CADPS: variants seen among roughly 807,000 people sequenced by gnomAD.
CADPS encodes the protein calcium-dependent secretion activator 1.
Under a neutral mutation model 167.3 loss-of-function variants are expected in CADPS, and 57 were observed. The observed-to-expected ratio is 0.34, with a 90% CI of 0.28 to 0.42. The LOEUF is 0.42. CADPS is among the 20% of genes least tolerant of loss of function. The pLI is 1.00. For synonymous variants in CADPS, 676 were observed against 635.3 expected, an observed-to-expected ratio of 1.06 and a Z score of -0.96; for missense variants, 1,414 against 1,738.1, an observed-to-expected ratio of 0.81 and a Z score of 3.32.
intron 1 of CADPS, among the ~76,000 whole-genome samples, chr3:62,832,136 C>T (rs144228828): frequency 8.0e-4 from 122 of 152,298 alleles, no homozygotes; most frequent in African/African-American, 2.9e-3. Context: ...ACAGAACCAA[C>T]ACAGGAGGGT....
chr3:62,684,227 T>C lies in CADPS; in HGVS notation c.889-21833A>G, dbSNP rs75604071. The stretch of plus-strand genomic sequence containing the variant: ...TACAGTATGGACTTAGGAAAGTTTA[T>C]TTTATATTTTGAGTTATAACTCAGT... On this transcript the variant is annotated intron_variant, in intron 3 of 29. Coordinates refer to ENST00000383710, the MANE Select transcript of CADPS (RefSeq NM_003716.4). Among the ~76,000 whole-genome samples, 198 of 152,244 alleles carry C rather than the reference T, an allele frequency of 1.3e-3. 3 individuals carry two copies. Among genetic ancestry groups the C allele is most frequent in the Middle Eastern group, 3.4e-3 (1 of 294 alleles).
intron 27 of CADPS, 36 bp downstream of exon 27, chr3:62,445,729 A>G (rs1408760632): frequency 7.0e-7 from 1 of 1,427,050 alleles, no homozygotes; most frequent in African/African-American, 1.5e-5. Flanking sequence ...AAAAAAAACA[A>G]AAAAACCCCA....
chr3:62,491,165 G>A (rs758045072), intron 21 of CADPS, among the ~76,000 whole-genome samples, 174 bp downstream of exon 21: 8 of 151,842 alleles, frequency 5.3e-5, no homozygotes, highest in Non-Finnish European at 7.4e-5. Flanking sequence ...CTCCATCCCC[G>A]ACCCTCCTGC....
chr3:62,732,563 A>G (rs1169096047), intron 3 of CADPS, among the ~76,000 whole-genome samples: 1 of 152,202 alleles, frequency 6.6e-6, no homozygotes, highest in Non-Finnish European at 1.5e-5. Flanking sequence ...GTTTCAAACC[A>G]CTATGTTTCA....
rs376296834 is a variant in CADPS, at chr3:62,491,445, G to T, written c.2920C>A (p.Gln974Lys). The T allele has an allele frequency of 6.2e-7, 1 of 1,613,958 alleles. No individual in the cohort carries two copies. The highest frequency in any genetic ancestry group is 1.1e-5 in the South Asian group (1 of 91,076). ...LCNGKFHKHL[Q>K]DLFAPLVVRY... ...ACAACAAGTGGGGCAAACAGGTCTT[G>T]CAGGTGTTTGTGAAATTTTCCATTG... Residue 974 changes from glutamine to lysine, a missense_variant, in exon 21 of 30, where the codon CAA becomes AAA. Transcript: ENST00000383710.
At chr3:62,688,344 C>T (rs564930329) in intron 3 of CADPS, among the ~76,000 whole-genome samples, 2 of 152,068 alleles carry the variant, frequency 1.3e-5, no homozygotes, top group Admixed American at 6.5e-5. Flanking sequence ...GTTTTGTGAG[C>T]CTTTGTTACT....
chr3:62,627,192 T>C (rs1189752022), intron 6 of CADPS, among the ~76,000 whole-genome samples: 1 of 151,882 alleles, frequency 6.6e-6, no homozygotes, highest in Non-Finnish European at 1.5e-5. Context: ...CAAACATTAA[T>C]TGTCATATTC....
intron 3 of CADPS, among the ~76,000 whole-genome samples, chr3:62,718,937 CT>C (rs1454603682): frequency 4.6e-5 from 7 of 152,186 alleles, no homozygotes; most frequent in Non-Finnish European, 8.8e-5. Context: ...AAGATATTTG[CT>C]TTAAAATGTC....
chr3:62,424,035 C>A (rs1232353331), intron 28 of CADPS, among the ~76,000 whole-genome samples: 1 of 152,168 alleles, frequency 6.6e-6, no homozygotes, highest in Admixed American at 6.6e-5. Flanking sequence ...TCCCTAAAAG[C>A]CCTCTTTGGG....
chr3:62,751,772 A>G (rs562285158), intron 3 of CADPS, among the ~76,000 whole-genome samples: 1 of 152,230 alleles, frequency 6.6e-6, no homozygotes, highest in East Asian at 1.9e-4. Flanking sequence ...CTGGAGAGAG[A>G]AGATATTCTT....
chr3:62,562,921 A>AAGT (rs1263674705), intron 9 of CADPS, among the ~76,000 whole-genome samples: 2 of 152,234 alleles, frequency 1.3e-5, no homozygotes, highest in African/African-American at 2.4e-5. Context: ...TGTTAAAGAA[A>AAGT]AGTTTTCTCT....
At chr3:62,729,900 C>A (rs533139749) in intron 3 of CADPS, among the ~76,000 whole-genome samples, 1 of 151,934 alleles carries the variant, frequency 6.6e-6, no homozygotes, top group African/African-American at 2.4e-5. Context: ...CTCAGCTCTC[C>A]TTGTATTGAG....
intron 13 of CADPS, among the ~76,000 whole-genome samples, chr3:62,523,686 G>A (rs2071309207): frequency 6.6e-6 from 1 of 152,288 alleles, no homozygotes; most frequent in South Asian, 2.1e-4. Flanking sequence ...AGAAATGTAT[G>A]AATTCCACAG....
intron 7 of CADPS, among the ~76,000 whole-genome samples, chr3:62,586,864 G>T (rs972903224): frequency 4.6e-5 from 7 of 152,080 alleles, no homozygotes; most frequent in African/African-American, 1.7e-4. Context: ...ATCAAAGATG[G>T]GCTAAAGATT....
intron 1 of CADPS, among the ~76,000 whole-genome samples, chr3:62,810,173 GGA>G (rs569726544): frequency 6.6e-6 from 1 of 152,104 alleles, no homozygotes; most frequent in Non-Finnish European, 1.5e-5. Flanking sequence ...AACAAGCAAT[GGA>G]GAGTAGTCCT....
chr3:62,797,975 G>T (rs979099581), intron 1 of CADPS, among the ~76,000 whole-genome samples: 4 of 152,072 alleles, frequency 2.6e-5, no homozygotes, highest in Non-Finnish European at 4.4e-5. Flanking sequence ...TCATTCATTC[G>T]TTCAACAAAT....
chr3:62,808,318 G>T (rs2152848186), intron 1 of CADPS, among the ~76,000 whole-genome samples: 1 of 152,192 alleles, frequency 6.6e-6, no homozygotes, highest in Non-Finnish European at 1.5e-5. Flanking sequence ...AGAAAAATGA[G>T]ACTTAGAGAG....
intron 6 of CADPS, among the ~76,000 whole-genome samples, chr3:62,628,916 C>T (rs1017449735): frequency 1.2e-4 from 18 of 151,976 alleles, no homozygotes; most frequent in African/African-American, 1.9e-4. Flanking sequence ...TGAACCACCA[C>T]GCCTGGCCAA....
intron 24 of CADPS, chr3:62,467,341 GAA>G: frequency 8.4e-7 from 1 of 1,188,504 alleles, no homozygotes; most frequent in Non-Finnish European, 1.1e-6. Flanking sequence ...ATTAGGAACA[GAA>G]AAAAAAAGGA....
Sources: gnomAD v4.1 joint callset for allele counts (sites outside exome capture counted in the v4.1 genomes callset) on GRCh38, gnomAD v4.1.1 for gene constraint, MANE v1.5 for transcripts, NCBI Gene and HGNC (gene_info 2026-07-23, HGNC 2026-07-21) for gene names.